The following CNTNAP2 variants were observed in gnomAD, a reference collection of about 807,000 sequenced individuals.
The protein encoded by CNTNAP2 is contactin-associated protein-like 2.
CNTNAP2 carries 98 observed loss-of-function variants against 155.2 expected under a neutral mutation model. That is an observed-to-expected ratio of 0.63 (90% CI 0.54 to 0.75). CNTNAP2 has a LOEUF of 0.75. CNTNAP2 is among the 30% of genes least tolerant of loss of function. CNTNAP2 has a pLI of 0.00. For synonymous variants in CNTNAP2, 651 were observed against 631.2 expected (o/e 1.03, Z -0.47); for missense variants, 1,727 against 1,688.1 (o/e 1.02, Z -0.40).
intron 1 of CNTNAP2, among the ~76,000 whole-genome samples, chr7:146,241,885 T>C (rs1380381590): frequency 6.6e-6 from 1 of 151,758 alleles, no homozygotes; most frequent in Non-Finnish European, 1.5e-5. Context: ...AAGACTCTAT[T>C]AAGATAAAAA....
At chr7:148,240,467 G>A (rs1157112982) in intron 20 of CNTNAP2, among the ~76,000 whole-genome samples, 1 of 152,158 alleles carries the variant, frequency 6.6e-6, no homozygotes, top group African/African-American at 2.4e-5. Flanking sequence ...AGCACGTAAC[G>A]AGATTTCCCC....
chr7:148,126,707 C>A (rs1804723435), intron 16 of CNTNAP2, among the ~76,000 whole-genome samples: 2 of 152,156 alleles, frequency 1.3e-5, no homozygotes, highest in African/African-American at 4.8e-5. Context: ...ATGACCCAAA[C>A]TTTACTGTCC....
At chr7:147,146,235 T>G (rs1344886058) in intron 8 of CNTNAP2, 1 of 153,156 alleles carries the variant, frequency 6.5e-6, no homozygotes, top group East Asian at 1.9e-4. Flanking sequence ...TTTCTTGTTC[T>G]TCCGTCTCTC....
chr7:146,974,968 TC>T (rs1335061019), intron 3 of CNTNAP2, among the ~76,000 whole-genome samples: 6 of 151,936 alleles, frequency 3.9e-5, no homozygotes, highest in Non-Finnish European at 8.8e-5. Context: ...AGAGACTCTA[TC>T]TAAAAAAACA....
intron 3 of CNTNAP2, among the ~76,000 whole-genome samples, chr7:146,929,619 C>T (rs543861549): frequency 6.6e-6 from 1 of 152,248 alleles, no homozygotes; most frequent in African/African-American, 2.4e-5. Flanking sequence ...GAGAATAAGG[C>T]TTCAGATGAT....
At chr7:147,747,179 A>C (rs1319694284) in intron 13 of CNTNAP2, among the ~76,000 whole-genome samples, 1 of 152,194 alleles carries the variant, frequency 6.6e-6, no homozygotes, top group Non-Finnish European at 1.5e-5. Context: ...AGTTCCTCTG[A>C]AACTAATTTT....
At chr7:148,098,934 A>G (rs558505565) in intron 15 of CNTNAP2, among the ~76,000 whole-genome samples, 1 of 152,312 alleles carries the variant, frequency 6.6e-6, no homozygotes, top group South Asian at 2.1e-4. Flanking sequence ...AAGGCTCAGG[A>G]TGACACAGCC....
intron 13 of CNTNAP2, among the ~76,000 whole-genome samples, chr7:147,782,076 C>T (rs1308797662): frequency 1.3e-5 from 2 of 150,970 alleles, no homozygotes; most frequent in Non-Finnish European, 2.9e-5. Context: ...GAAGTAGAAT[C>T]TCTAAAGGGG....
intron 11 of CNTNAP2, among the ~76,000 whole-genome samples, chr7:147,559,850 A>G (rs540272175): frequency 6.2e-5 from 9 of 144,664 alleles, no homozygotes; most frequent in Non-Finnish European, 1.4e-4. Context: ...GTTGGATTCT[A>G]TGTCTTGCCG....
intron 9 of CNTNAP2, among the ~76,000 whole-genome samples, chr7:147,386,784 C>T (rs1796632757): frequency 6.6e-6 from 1 of 152,220 alleles, no homozygotes; most frequent in African/African-American, 2.4e-5. Context: ...TCCACATTTT[C>T]AGGATTCTTT....
intron 9 of CNTNAP2, among the ~76,000 whole-genome samples, chr7:147,318,774 ACAG>A (rs1334550087): frequency 6.6e-6 from 1 of 152,188 alleles, no homozygotes; most frequent in Non-Finnish European, 1.5e-5. Context: ...TGGCACATGT[ACAG>A]CTATGTAATA....
intron 14 of CNTNAP2, among the ~76,000 whole-genome samples, chr7:147,965,431 C>T (rs1801191727): frequency 6.6e-6 from 1 of 150,794 alleles, no homozygotes; most frequent in Non-Finnish European, 1.5e-5. Context: ...TAAGGTTTGT[C>T]TCTTCTCTCT....
intron 3 of CNTNAP2, among the ~76,000 whole-genome samples, chr7:146,946,905 A>G (rs772896620): frequency 5.3e-5 from 8 of 152,146 alleles, no homozygotes; most frequent in Admixed American, 1.3e-4. Flanking sequence ...AGCAAATACA[A>G]GCATTCACAA....
chr7:146,197,224 A>T (rs552285560), intron 1 of CNTNAP2, among the ~76,000 whole-genome samples: 2 of 152,182 alleles, frequency 1.3e-5, no homozygotes, highest in Non-Finnish European at 2.9e-5. Flanking sequence ...ACGTAAGCTC[A>T]TTGTTATTAT....
At chr7:147,686,901 G>C (rs936794443) in intron 13 of CNTNAP2, among the ~76,000 whole-genome samples, 1 of 151,616 alleles carries the variant, frequency 6.6e-6, no homozygotes, top group Non-Finnish European at 1.5e-5. Context: ...GTTATTAATG[G>C]GTACAAATTT....
intron 3 of CNTNAP2, among the ~76,000 whole-genome samples, chr7:146,929,435 C>T (rs1437119094): frequency 1.3e-5 from 2 of 152,184 alleles, no homozygotes; most frequent in East Asian, 1.9e-4. Flanking sequence ...AAAAACCCAT[C>T]TGTACATCAC....
At chr7:147,036,213 G>A (rs1284377127) in intron 3 of CNTNAP2, among the ~76,000 whole-genome samples, 1 of 152,126 alleles carries the variant, frequency 6.6e-6, no homozygotes, top group Admixed American at 6.5e-5. Flanking sequence ...TGGGACAGAG[G>A]AGCATGTGAC....
At chr7:147,211,138 C>T (rs1803137125) in intron 8 of CNTNAP2, among the ~76,000 whole-genome samples, 1 of 151,674 alleles carries the variant, frequency 6.6e-6, no homozygotes, top group African/African-American at 2.4e-5. Context: ...CTGTATGTGT[C>T]TACTAGGTCC....
At chr7:148,101,350 A>AGTGTGTGT (rs4015917) in intron 15 of CNTNAP2, among the ~76,000 whole-genome samples, 41 of 144,454 alleles carry the variant, frequency 2.8e-4, no homozygotes, top group South Asian at 1.6e-3. Flanking sequence ...TAAAAAGTTC[A>AGTGTGTGT]GTGTGTGTGT....
Sources: allele counts gnomAD v4.1 joint callset (sites outside exome capture counted in the v4.1 genomes callset), GRCh38; gene constraint gnomAD v4.1.1; transcripts MANE v1.5; gene names NCBI Gene and HGNC (gene_info 2026-07-23, HGNC 2026-07-21).